The following SLC4A9 variants were observed in gnomAD, a reference collection of about 807,000 sequenced individuals.
The protein encoded by SLC4A9 is solute carrier family 4 member 9, also known as anion exchange protein 4.
SLC4A9 carries 102 observed loss-of-function variants against 103.2 expected under a neutral mutation model. That is an observed-to-expected ratio of 0.99 (90% CI 0.84 to 1.17). The LOEUF is 1.17. Among genes scored for constraint, SLC4A9 ranks in the 50% most tolerant of loss-of-function variants. SLC4A9 has a pLI of 0.00. For synonymous variants in SLC4A9, 453 were observed against 483.6 expected, an observed-to-expected ratio of 0.94 and a Z score of 0.83; for missense variants, 1,091 against 1,193.7, an observed-to-expected ratio of 0.91 and a Z score of 1.27.
chr5:140,366,995 C>T (rs1313465711), intron 14 of SLC4A9, among the ~76,000 whole-genome samples: 2 of 152,210 alleles, frequency 1.3e-5, no homozygotes, highest in Non-Finnish European at 2.9e-5. Flanking sequence ...CCCTCCCCAA[C>T]ACATATGCTT....
intron 21 of SLC4A9, among the ~76,000 whole-genome samples, chr5:140,373,735 G>C (rs535121569): frequency 2.6e-5 from 4 of 152,304 alleles, no homozygotes; most frequent in South Asian, 4.1e-4. Context: ...CAATAATCAC[G>C]ACTGTGAATA....
At chr5:140,369,308 AAAC>A (rs1268641179) in intron 17 of SLC4A9, among the ~76,000 whole-genome samples, 4 of 152,018 alleles carry the variant, frequency 2.6e-5, no homozygotes, top group Non-Finnish European at 5.9e-5. Context: ...AAAAACCAAA[AAAC>A]AACAACAGAA....
chr5:140,362,954 C>T lies in SLC4A9; in HGVS notation c.850C>T (p.Leu284Phe), dbSNP rs989772774. The change falls in exon 7 of 22, where the codon CTT (leucine) becomes TTT (phenylalanine). Residue 284 changes from leucine (L) to phenylalanine (F), a missense_variant. Leu to Phe is a conservative substitution (Grantham distance 22). Transcript: ENST00000506757. ...SVRRASNLHDLLAALDAFLEE... is the reference protein window; with the variant it reads ...SVRRASNLHDFLAALDAFLEE... ...TCGTCGGGCCAGCAACCTTCATGAC[C>T]TTCTGGCAGCCCTGGATGCATTCCT... The T allele has an allele frequency of 6.2e-7, 1 of 1,613,868 alleles. No homozygotes were observed.
intron 17 of SLC4A9, among the ~76,000 whole-genome samples, chr5:140,368,941 C>T (rs1251553042): frequency 6.6e-6 from 1 of 152,134 alleles, no homozygotes; most frequent in African/African-American, 2.4e-5. Flanking sequence ...GGCTTTTTAC[C>T]CAGTGGAGCA....
At chr5:140,365,449 A>T in intron 11 of SLC4A9, 71 bp from the exon 12 acceptor site, 2 of 1,405,314 alleles carry the variant, frequency 1.4e-6, no homozygotes, top group Non-Finnish European at 2.0e-6. Flanking sequence ...CCCATCAGAT[A>T]AGAATTTTAT....
Position 140,371,141 on chromosome 5 carries a change from T to C in SLC4A9, c.2474T>C (p.Val825Ala), listed in dbSNP as rs1034888418. 6.2e-7 allele frequency: 1 copy of C among 1,611,760 alleles called. No homozygotes were observed. The highest frequency in any genetic ancestry group is 8.5e-7 in the Non-Finnish European group (1 of 1,179,034). Residue 825 changes from valine (V) to alanine (A), a missense_variant, in exon 18 of 22, where the codon GTG (valine) becomes GCG (alanine). Val to Ala is a moderately conservative substitution (Grantham distance 64). Coordinates refer to ENST00000506757, the MANE Select transcript of SLC4A9 (RefSeq NM_031467.3). ...TATGGCATCTTCCTGTATATGGGGG[T>C]GGCAGCGCTCAGCAGCATTCAGGTG... is the stretch of plus-strand genomic sequence containing the variant. ...VLYGIFLYMG[V>A]AALSSIQFTN...
At chr5:140,368,144 G>A (rs533092178) in intron 16 of SLC4A9, among the ~76,000 whole-genome samples, 63 of 152,312 alleles carry the variant, frequency 4.1e-4, no homozygotes, top group African/African-American at 1.4e-3. Flanking sequence ...GGCAGCCAGG[G>A]CTGAAGTGGA....
Position 140,368,607 on chromosome 5 carries a change from T to G in SLC4A9, c.2375T>G (p.Leu792Arg), listed in dbSNP as rs1346164570. 2 of 1,613,328 alleles carry G rather than the reference T, an allele frequency of 1.2e-6. No homozygotes were observed. Among genetic ancestry groups the G allele is most frequent in the Non-Finnish European group, 1.7e-6 (2 of 1,179,762 alleles). The change falls in exon 17 of 22, where the codon CTG (leucine) becomes CGG (arginine). Residue 792 changes from leucine to arginine, a missense_variant. By Grantham distance (102) the Leu-to-Arg change is moderately radical. Coordinates refer to ENST00000506757, the MANE Select transcript of SLC4A9 (RefSeq NM_031467.3). ...LGIREQRLTG[L>R]VVFILTGASI... ...CACAGGGAACAGAGGCTGACAGGCC[T>G]GGTGGTGTTCATCCTTACAGGAGCC...
intron 21 of SLC4A9, among the ~76,000 whole-genome samples, chr5:140,373,832 G>C (rs1368319236): frequency 1.3e-5 from 2 of 151,844 alleles, no homozygotes; most frequent in African/African-American, 4.8e-5. Flanking sequence ...ACAAGATGGA[G>C]GGAAAATATT....
rs1173744848 is a variant in SLC4A9 at position 140,360,292 on chromosome 5, A to G, written c.56A>G (p.Asn19Ser). The G allele has an allele frequency of 9.3e-6, 15 of 1,612,434 alleles. No homozygotes were observed. Among genetic ancestry groups the G allele is most frequent in the Non-Finnish European group, 1.2e-5 (14 of 1,179,302 alleles). Residue 19 changes from asparagine to serine, a missense_variant, in exon 1 of 22, where the codon AAT becomes AGT. By Grantham distance (46) the Asn-to-Ser change is conservative (BLOSUM62 1). Coordinates refer to ENST00000506757, the MANE Select transcript of SLC4A9 (RefSeq NM_031467.3). ...EGFEASSAPR[N>S]IPSGELDSNP... ...TTTGAAGCCTCCAGTGCTCCTAGAA[A>G]TATTCCTTCAGGGGAGCTGGACAGC...
chr5:140,366,162 G>T lies in SLC4A9; in HGVS notation c.1911G>T (p.Gly637=), dbSNP rs1376459180. 1 of 1,613,384 alleles carries T rather than the reference G, an allele frequency of 6.2e-7. No individual in the cohort carries two copies. Among genetic ancestry groups the T allele is most frequent in the Admixed American group, 1.7e-5 (1 of 59,888 alleles). ...CCACTGTGTGCCAGGTGCGCAAAGG[G>T]CTCAGCGACTTCTCCTCAGTCCTGG... is the stretch of plus-strand genomic sequence containing the variant. ...SRFFPSVVRK[G]LSDFSSVLAI... The change falls in exon 14 of 22, where the codon GGG becomes GGT. Residue 637 remains glycine (G), a synonymous_variant. Transcript: ENST00000506757.
chr5:140,368,186 A>G (rs1238430581), intron 16 of SLC4A9, among the ~76,000 whole-genome samples: 5 of 152,222 alleles, frequency 3.3e-5, no homozygotes, highest in African/African-American at 9.7e-5. Context: ...TCCTCACTCA[A>G]TGTAGAAGTT....
intron 17 of SLC4A9, 74 bp from the exon 18 acceptor site, chr5:140,371,021 G>C: frequency 3.7e-6 from 5 of 1,368,570 alleles, no homozygotes; most frequent in Non-Finnish European, 5.1e-6. Context: ...GGGATCTAGG[G>C]CATCTGGGCA....
At chr5:140,372,182 T>C in intron 19 of SLC4A9, 60 bp from the exon 20 acceptor site, 1 of 1,420,450 alleles carries the variant, frequency 7.0e-7, no homozygotes, top group Non-Finnish European at 9.3e-7. Flanking sequence ...TAAGTGTTAC[T>C]ATTGTTAATG....
chr5:140,373,511 A>G (rs1023238178), intron 21 of SLC4A9, among the ~76,000 whole-genome samples: 1 of 152,088 alleles, frequency 6.6e-6, no homozygotes, highest in Non-Finnish European at 1.5e-5. Flanking sequence ...GGAGAATAGT[A>G]AGGTGGAGTG....
intron 2 of SLC4A9, 45 bp from the exon 3 acceptor site, chr5:140,361,209 G>T (rs551417397): frequency 6.7e-6 from 10 of 1,485,710 alleles, no homozygotes; most frequent in South Asian, 3.6e-5. Context: ...AGAGTGTGCG[G>T]CAGGGAACTC....
chr5:140,364,811 C>T (rs1256274570), intron 11 of SLC4A9, among the ~76,000 whole-genome samples, 186 bp downstream of exon 11: 1 of 152,222 alleles, frequency 6.6e-6, no homozygotes, highest in African/African-American at 2.4e-5. Context: ...GGCCTGATAT[C>T]ATCTTCCTTT....
Position 140,365,306 on chromosome 5 carries a change from C to T in SLC4A9, c.1652-214C>T, listed in dbSNP as rs534918026. Among the ~76,000 whole-genome samples the T allele has an allele frequency of 7.9e-5, 12 of 152,310 alleles. No homozygotes were observed. In the South Asian group the frequency reaches 2.5e-3, roughly 32 times the overall value. On this transcript the variant is annotated intron_variant, in intron 11 of 21. Transcript: ENST00000506757. ...GCATCTACTGTGGCCAGGTCCAGTG[C>T]TTGGTACCAGGGATGCAGATGGGTA... is the stretch of plus-strand genomic sequence containing the variant.
rs554115611 is a variant in SLC4A9, at chr5:140,362,900, C to T, written c.808-12C>T. ...TTTGCACTTACCACCCATTCTGTGC[C>T]CCCATTCCCAGCAATTCCAGTGGTC... On this transcript the variant is annotated splice_polypyrimidine_tract_variant and intron_variant, in intron 6 of 21. Transcript: ENST00000506757. The T allele has an allele frequency of 2.7e-5, 43 of 1,613,980 alleles. No individual in the cohort carries two copies. In the East Asian group the frequency reaches 9.1e-4, roughly 34 times the overall value.
Sources: gnomAD v4.1 joint callset for allele counts (sites outside exome capture counted in the v4.1 genomes callset) on GRCh38, gnomAD v4.1.1 for gene constraint, MANE v1.5 for transcripts, NCBI Gene and HGNC (gene_info 2026-07-23, HGNC 2026-07-21) for gene names.